CTNND2: variants seen among roughly 807,000 people sequenced by gnomAD.
CTNND2 encodes the protein catenin delta 2.
A neutral mutation model predicts 144.4 loss-of-function variants in CTNND2; 22 were observed. The observed-to-expected ratio is 0.15, with a 90% CI of 0.11 to 0.22. The LOEUF (loss-of-function observed/expected upper bound fraction) is 0.22. Ranked by LOEUF, CTNND2 falls within the 10% of genes least tolerant of loss-of-function variation. The pLI, the probability that CTNND2 is intolerant of heterozygous loss-of-function variation, is 1.00. For synonymous variants in CTNND2, 751 were observed against 695.6 expected, an observed-to-expected ratio of 1.08 and a Z score of -1.25; for missense variants, 1,353 against 1,618.8, an observed-to-expected ratio of 0.84 and a Z score of 2.82.
At chr5:11,111,739 C>A (rs986938211) in intron 13 of CTNND2, among the ~76,000 whole-genome samples, 3 of 152,152 alleles carry the variant, frequency 2.0e-5, no homozygotes, top group Non-Finnish European at 4.4e-5. Flanking sequence ...ACATGGTGTA[C>A]CCCTCTGTAA....
chr5:11,270,767 C>T (rs953095869), intron 9 of CTNND2, among the ~76,000 whole-genome samples: 2 of 152,160 alleles, frequency 1.3e-5, no homozygotes, highest in African/African-American at 4.8e-5. Flanking sequence ...AATCTTTAGC[C>T]TTATTATTGC....
chr5:11,015,189 T>C (rs1191216872), intron 18 of CTNND2, among the ~76,000 whole-genome samples: 1 of 152,206 alleles, frequency 6.6e-6, no homozygotes, highest in African/African-American at 2.4e-5. Context: ...AAGAACAAAA[T>C]AGAAATCTAT....
intron 1 of CTNND2, among the ~76,000 whole-genome samples, chr5:11,749,354 G>A (rs2126782031): frequency 6.6e-6 from 1 of 152,092 alleles, no homozygotes; most frequent in Middle Eastern, 3.4e-3. Flanking sequence ...CAATCTTCAG[G>A]TGTTTTTGAG....
At chr5:11,773,247 C>A (rs191750017) in intron 1 of CTNND2, among the ~76,000 whole-genome samples, 2 of 152,090 alleles carry the variant, frequency 1.3e-5, no homozygotes, top group Non-Finnish European at 2.9e-5. Flanking sequence ...TTTTTCCAAG[C>A]AGTAAAATCC....
intron 16 of CTNND2, among the ~76,000 whole-genome samples, chr5:11,078,364 T>A (rs527533892): frequency 1.3e-5 from 2 of 152,364 alleles, no homozygotes; most frequent in African/African-American, 4.8e-5. Flanking sequence ...ATTCTGCTAT[T>A]CTCAGTCAAG....
intron 2 of CTNND2, among the ~76,000 whole-genome samples, chr5:11,615,584 A>G (rs1008715856): frequency 2.0e-5 from 3 of 152,166 alleles, no homozygotes; most frequent in Non-Finnish European, 1.5e-5. Context: ...AAAACCCTTG[A>G]TTTTTCAAAT....
intron 2 of CTNND2, among the ~76,000 whole-genome samples, chr5:11,622,647 C>T (rs1780907357): frequency 6.6e-6 from 1 of 152,068 alleles, no homozygotes; most frequent in Non-Finnish European, 1.5e-5. Flanking sequence ...ATCAGAAAAA[C>T]ACGATCTTAC....
At chr5:11,528,992 A>C (rs565708199) in intron 3 of CTNND2, among the ~76,000 whole-genome samples, 2 of 152,302 alleles carry the variant, frequency 1.3e-5, no homozygotes, top group South Asian at 4.1e-4. Context: ...ACAGGTATGG[A>C]GTGATGAAAA....
At chr5:11,205,957 A>T (rs1347980532) in intron 10 of CTNND2, among the ~76,000 whole-genome samples, 1 of 152,244 alleles carries the variant, frequency 6.6e-6, no homozygotes, top group Non-Finnish European at 1.5e-5. Context: ...GTAAAGCATG[A>T]ACAAAGTGTG....
At chr5:11,026,092 A>G (rs1742790132) in intron 16 of CTNND2, among the ~76,000 whole-genome samples, 1 of 152,124 alleles carries the variant, frequency 6.6e-6, no homozygotes, top group African/African-American at 2.4e-5. Context: ...TGGGGAAGAA[A>G]GAGGCTGGAT....
intron 10 of CTNND2, among the ~76,000 whole-genome samples, chr5:11,231,413 T>TCAAAG (rs1740997905): frequency 6.6e-6 from 1 of 152,204 alleles, no homozygotes; most frequent in Non-Finnish European, 1.5e-5. Flanking sequence ...TGAATGGCTT[T>TCAAAG]GACCAAAATG....
At chr5:11,038,524 T>C (rs1744327933) in intron 16 of CTNND2, among the ~76,000 whole-genome samples, 1 of 152,038 alleles carries the variant, frequency 6.6e-6, no homozygotes, top group Non-Finnish European at 1.5e-5. Context: ...GCCACAAAGG[T>C]TGGGGAACGT....
intron 5 of CTNND2, among the ~76,000 whole-genome samples, chr5:11,400,314 A>G (rs1331672732): frequency 6.6e-6 from 1 of 152,154 alleles, no homozygotes; most frequent in Non-Finnish European, 1.5e-5. Context: ...CTTTAATGTA[A>G]TGATTTCCAG....
chr5:11,374,560 G>T (rs1265749476), intron 7 of CTNND2, among the ~76,000 whole-genome samples: 1 of 152,066 alleles, frequency 6.6e-6, no homozygotes, highest in Non-Finnish European at 1.5e-5. Context: ...ACTTACCAGA[G>T]TTTTTAATGG....
At chr5:11,133,226 CT>C (rs576459094) in intron 12 of CTNND2, among the ~76,000 whole-genome samples, 27 of 150,868 alleles carry the variant, frequency 1.8e-4, no homozygotes, top group African/African-American at 4.1e-4. Flanking sequence ...ATTATTTAGC[CT>C]TTTTTTTTCC....
chr5:11,755,641 C>CTTTTTTTT (rs377766540), intron 1 of CTNND2, among the ~76,000 whole-genome samples: 2 of 140,202 alleles, frequency 1.4e-5, no homozygotes, highest in Non-Finnish European at 3.1e-5. Context: ...GTTCATTCTT[C>CTTTTTTTT]TTTTTTTTTT....
At chr5:11,455,988 A>G (rs1292758304) in intron 3 of CTNND2, among the ~76,000 whole-genome samples, 2 of 152,190 alleles carry the variant, frequency 1.3e-5, no homozygotes, top group African/African-American at 2.4e-5. Flanking sequence ...GACATCTTTC[A>G]TATGCCATGA....
At chr5:11,474,801 A>C (rs745537241) in intron 3 of CTNND2, among the ~76,000 whole-genome samples, 3 of 152,186 alleles carry the variant, frequency 2.0e-5, no homozygotes, top group Admixed American at 6.5e-5. Context: ...TTAGCACAGC[A>C]AGTTGCCTCT....
chr5:11,435,907 C>G (rs1292770048), intron 3 of CTNND2, among the ~76,000 whole-genome samples: 1 of 152,136 alleles, frequency 6.6e-6, no homozygotes, highest in East Asian at 1.9e-4. Flanking sequence ...GCTCACATTT[C>G]TTGGTTGCTT....
Sources: allele counts gnomAD v4.1 joint callset (sites outside exome capture counted in the v4.1 genomes callset), GRCh38; gene constraint gnomAD v4.1.1; transcripts MANE v1.5; gene names NCBI Gene and HGNC (gene_info 2026-07-23, HGNC 2026-07-21).